ENTREP2: variants seen among roughly 807,000 people sequenced by gnomAD.
The protein encoded by ENTREP2 is protein ENTREP2.
chr15:29,432,225 T>G, the ENTREP2 span, among the ~76,000 whole-genome samples: 15 of 152,184 alleles, frequency 9.9e-5, no homozygotes, highest in Non-Finnish European at 1.6e-4. Flanking sequence ...CAATTCCAAT[T>G]TTCTGCAATT....
the ENTREP2 span, among the ~76,000 whole-genome samples, chr15:29,218,214 T>C: frequency 1.3e-5 from 2 of 152,192 alleles, no homozygotes. Flanking sequence ...TCTATTTTTG[T>C]GCTGGTTGGC....
At chr15:29,400,675 T>G in the ENTREP2 span, among the ~76,000 whole-genome samples, 2 of 152,200 alleles carry the variant, frequency 1.3e-5, no homozygotes, top group African/African-American at 4.8e-5. Context: ...GAAGTAAGCC[T>G]TTTAAGGCAC....
the ENTREP2 span, among the ~76,000 whole-genome samples, chr15:29,481,696 A>T: frequency 2.6e-5 from 4 of 152,076 alleles, no homozygotes; most frequent in African/African-American, 4.8e-5. Flanking sequence ...TAAGGCCATA[A>T]GGAAAAGAGC....
At chr15:29,543,052 C>T in the ENTREP2 span, among the ~76,000 whole-genome samples, 1 of 152,182 alleles carries the variant, frequency 6.6e-6, no homozygotes, top group Admixed American at 6.5e-5. Flanking sequence ...ACAAGTATCT[C>T]TTCAAGTCCC....
the ENTREP2 span, among the ~76,000 whole-genome samples, chr15:29,314,199 G>C: frequency 4.0e-3 from 616 of 152,342 alleles, 3 homozygotes; most frequent in African/African-American, 0.014. Context: ...AAAGGGTTTA[G>C]AATATGATAT....
At chr15:29,151,870 G>A in the ENTREP2 span, 1 of 1,504,014 alleles carries the variant, frequency 6.6e-7, no homozygotes, top group Non-Finnish European at 9.0e-7. Context: ...GAGAATGTCA[G>A]CCTCATCCCG....
At chr15:29,344,931 G>GACAC in the ENTREP2 span, among the ~76,000 whole-genome samples, 11,808 of 142,534 alleles carry the variant, frequency 0.083, 529 homozygotes, top group Middle Eastern at 0.15. Flanking sequence ...CACGCGCGCA[G>GACAC]ACACACACAC....
chr15:29,385,399 A>C, the ENTREP2 span, among the ~76,000 whole-genome samples: 1 of 152,204 alleles, frequency 6.6e-6, no homozygotes, highest in Admixed American at 6.5e-5. Context: ...TGACTTGCTC[A>C]CTGAAGACAA....
At chr15:29,362,664 C>T in the ENTREP2 span, among the ~76,000 whole-genome samples, 1 of 152,028 alleles carries the variant, frequency 6.6e-6, no homozygotes, top group African/African-American at 2.4e-5. Context: ...CATGAGCCAC[C>T]GCGTCCGGCC....
the ENTREP2 span, among the ~76,000 whole-genome samples, chr15:29,564,956 C>T: frequency 2.0e-5 from 3 of 152,192 alleles, no homozygotes; most frequent in Admixed American, 6.5e-5. Flanking sequence ...AATACATCCC[C>T]ATAAAACATG....
chr15:29,261,093 A>G, the ENTREP2 span, among the ~76,000 whole-genome samples: 2 of 152,248 alleles, frequency 1.3e-5, no homozygotes, highest in African/African-American at 4.8e-5. Context: ...TAGGTAATAA[A>G]CATACTGTGA....
chr15:29,217,767 C>T, the ENTREP2 span, among the ~76,000 whole-genome samples: 3 of 151,976 alleles, frequency 2.0e-5, no homozygotes, highest in Non-Finnish European at 4.4e-5. Flanking sequence ...AGATCAGGGA[C>T]TTCTTGGTTT....
the ENTREP2 span, among the ~76,000 whole-genome samples, chr15:29,664,097 T>C: frequency 1.3e-5 from 2 of 152,078 alleles, no homozygotes; most frequent in African/African-American, 2.4e-5. Flanking sequence ...TCCCAGCATA[T>C]ATTACAATCT....
At chr15:29,568,044 G>A in the ENTREP2 span, among the ~76,000 whole-genome samples, 29 of 152,284 alleles carry the variant, frequency 1.9e-4, no homozygotes, top group African/African-American at 6.7e-4. Flanking sequence ...TATGGCAATG[G>A]GTCAGTGTTC....
chr15:29,151,111 T>C, the ENTREP2 span, among the ~76,000 whole-genome samples: 22,653 of 152,068 alleles, frequency 0.15, 3,116 homozygotes, highest in African/African-American at 0.36. Flanking sequence ...AGAGCGTTCA[T>C]TATTTATGAG....
the ENTREP2 span, among the ~76,000 whole-genome samples, chr15:29,642,583 T>C: frequency 6.7e-6 from 1 of 148,228 alleles, no homozygotes; most frequent in Non-Finnish European, 1.5e-5. Flanking sequence ...ATATATATAC[T>C]ATATATATAG....
the ENTREP2 span, among the ~76,000 whole-genome samples, chr15:29,664,602 CA>C: frequency 6.6e-6 from 1 of 152,040 alleles, no homozygotes; most frequent in Non-Finnish European, 1.5e-5. Context: ...TCATTATCCC[CA>C]ACACAAACGC....
At chr15:29,477,092 C>T in the ENTREP2 span, among the ~76,000 whole-genome samples, 1 of 152,138 alleles carries the variant, frequency 6.6e-6, no homozygotes, top group Non-Finnish European at 1.5e-5. Flanking sequence ...CATGAATGAA[C>T]CACTCAACAA....
At chr15:29,219,513 T>G in the ENTREP2 span, among the ~76,000 whole-genome samples, 1 of 150,752 alleles carries the variant, frequency 6.6e-6, no homozygotes, top group East Asian at 2.0e-4. Flanking sequence ...AAAGGATACT[T>G]CACACGCATG....
Sources: gnomAD v4.1 joint callset for allele counts (sites outside exome capture counted in the v4.1 genomes callset) on GRCh38, gnomAD v4.1.1 for gene constraint, MANE v1.5 for transcripts, NCBI Gene and HGNC (gene_info 2026-07-23, HGNC 2026-07-21) for gene names.